The following ADAM19 variants were observed in gnomAD, a reference collection of about 807,000 sequenced individuals.
The protein encoded by ADAM19 is ADAM metallopeptidase domain 19.
A neutral mutation model predicts 114.7 loss-of-function variants in ADAM19; 65 were observed. That is an observed-to-expected ratio of 0.57 (90% CI 0.46 to 0.70). ADAM19 has a LOEUF of 0.70. ADAM19 is among the 30% of genes least tolerant of loss of function. ADAM19 has a pLI of 0.00. For missense variants in ADAM19, 1,063 were observed against 1,204.7 expected, an observed-to-expected ratio of 0.88 and a Z score of 1.74; for synonymous variants, 466 against 460.5, an observed-to-expected ratio of 1.01 and a Z score of -0.15.
At chr5:157,574,664 C>T (rs11465234) in intron 1 of ADAM19, among the ~76,000 whole-genome samples, 1,525 of 152,294 alleles carry the variant, frequency 0.01, 27 homozygotes, top group African/African-American at 0.035. Context: ...AAGCCTTCTC[C>T]GGTCATAATG....
intron 3 of ADAM19, among the ~76,000 whole-genome samples, chr5:157,545,881 G>T (rs1468601512): frequency 1.3e-5 from 2 of 152,206 alleles, no homozygotes; most frequent in African/African-American, 4.8e-5. Flanking sequence ...AGGCCACCTG[G>T]CATCAGGAGG....
intron 3 of ADAM19, among the ~76,000 whole-genome samples, chr5:157,561,212 C>T (rs374216001): frequency 9.1e-4 from 139 of 152,314 alleles, no homozygotes; most frequent in Middle Eastern, 3.4e-3. Flanking sequence ...TGCCGGCTGC[C>T]GCGCTATTGT....
intron 4 of ADAM19, among the ~76,000 whole-genome samples, chr5:157,535,149 G>A (rs1415231874): frequency 6.6e-6 from 1 of 152,222 alleles, no homozygotes; most frequent in Admixed American, 6.5e-5. Flanking sequence ...ATTTGCAAAT[G>A]AGAAAACTCA....
At chr5:157,505,944 G>A (rs1755729015) in intron 10 of ADAM19, 136 bp from the exon 11 acceptor site, 1 of 973,924 alleles carries the variant, frequency 1.0e-6, no homozygotes, top group African/African-American at 1.7e-5. Flanking sequence ...CTCTCCATAT[G>A]TGCCTCTGAC....
chr5:157,575,252 G>A (rs1757940055), intron 1 of ADAM19, among the ~76,000 whole-genome samples: 2 of 152,198 alleles, frequency 1.3e-5, no homozygotes. Context: ...AGAGAGAGAG[G>A]CGGAGCGGAC....
At chr5:157,482,372 T>G (rs1754783440) in intron 21 of ADAM19, among the ~76,000 whole-genome samples, 1 of 152,238 alleles carries the variant, frequency 6.6e-6, no homozygotes. Context: ...ACTCTGATGA[T>G]AGTTTCTTTT....
chr5:157,555,855 C>A (rs1453519410), intron 3 of ADAM19, among the ~76,000 whole-genome samples: 1 of 152,206 alleles, frequency 6.6e-6, no homozygotes, highest in African/African-American at 2.4e-5. Flanking sequence ...CCTCTTCCAG[C>A]TTCTCCTTGG....
rs531399015 is a variant in ADAM19 at position 157,492,900 on chromosome 5, C to T, written c.1908+73G>A. On this transcript the variant is annotated intron_variant, in intron 16 of 22. Coordinates refer to ENST00000257527, the MANE Select transcript of ADAM19 (RefSeq NM_033274.5). ...GAGGTGGCATCTGAGCCCAGGCATCCTTCCCTCAGACCTCACTTCTCAATC... is the reference window on the plus strand; with the variant it reads ...GAGGTGGCATCTGAGCCCAGGCATCTTTCCCTCAGACCTCACTTCTCAATC... The T allele has an allele frequency of 6.6e-4, 1,015 of 1,539,146 alleles. 1 individual carries two copies. Among genetic ancestry groups the T allele is most frequent in the Non-Finnish European group, 8.1e-4 (910 of 1,117,048 alleles).
intron 3 of ADAM19, among the ~76,000 whole-genome samples, chr5:157,556,504 C>A (rs1388701200): frequency 6.6e-6 from 1 of 152,168 alleles, no homozygotes; most frequent in Non-Finnish European, 1.5e-5. Flanking sequence ...CAGGCGTGAG[C>A]CACCATGCCC....
chr5:157,525,861 C>T (rs1756437898), intron 5 of ADAM19, among the ~76,000 whole-genome samples: 1 of 152,122 alleles, frequency 6.6e-6, no homozygotes, highest in South Asian at 2.1e-4. Flanking sequence ...GAATCTGAGT[C>T]CAGGGACCAC....
Position 157,507,038 on chromosome 5 carries a change from A to C in ADAM19, c.990+18T>G, listed in dbSNP as rs1440303982. On this transcript the variant is annotated intron_variant, in intron 10 of 22. Transcript: ENST00000257527. ...GCTCAGCGCCTTCTGCAGCGCACAC[A>C]CACGGGCTGAGACTCACCATGTTGA... is the stretch of plus-strand genomic sequence containing the variant. 3.1e-6 allele frequency: 5 copies of C among 1,611,768 alleles called. No individual in the cohort carries two copies. In the South Asian group the frequency reaches 3.3e-5, roughly 11 times the overall value.
chr5:157,485,082 G>A (rs1280859925), intron 21 of ADAM19, among the ~76,000 whole-genome samples: 1 of 152,176 alleles, frequency 6.6e-6, no homozygotes, highest in Middle Eastern at 3.2e-3. Flanking sequence ...CAATCAGATT[G>A]CACAAGCCTG....
chr5:157,545,682 A>T (rs1047086856), intron 3 of ADAM19, among the ~76,000 whole-genome samples: 9 of 152,218 alleles, frequency 5.9e-5, no homozygotes, highest in Admixed American at 5.2e-4. Context: ...AAGCAAAAGC[A>T]ACTTGCCCAG....
chr5:157,566,794 G>A (rs566147086), intron 2 of ADAM19: 1 of 152,178 alleles, frequency 6.6e-6, no homozygotes, highest in Admixed American at 6.6e-5. Context: ...CAAGCATACT[G>A]AGTAGCTGGG....
At chr5:157,561,958 G>A (rs901830619) in intron 3 of ADAM19, among the ~76,000 whole-genome samples, 2 of 152,050 alleles carry the variant, frequency 1.3e-5, no homozygotes, top group Admixed American at 1.3e-4. Context: ...CGTTGATCGA[G>A]GAGGTTAAGA....
intron 12 of ADAM19, among the ~76,000 whole-genome samples, chr5:157,499,949 T>C (rs573935454): frequency 3.0e-4 from 44 of 148,914 alleles, no homozygotes; most frequent in Non-Finnish European, 5.8e-4. Flanking sequence ...TGGCTAATTT[T>C]TGTATTTTTA....
chr5:157,543,472 C>A (rs1018459893), intron 3 of ADAM19, among the ~76,000 whole-genome samples: 2 of 152,188 alleles, frequency 1.3e-5, no homozygotes, highest in African/African-American at 4.8e-5. Context: ...ATGACAAAAT[C>A]TACTTCACAG....
At chr5:157,521,158 G>A (rs1756275190) in intron 5 of ADAM19, among the ~76,000 whole-genome samples, 1 of 152,210 alleles carries the variant, frequency 6.6e-6, no homozygotes, top group African/African-American at 2.4e-5. Flanking sequence ...TCTAGCCTCA[G>A]CAAGAAAGAG....
intron 4 of ADAM19, 111 bp from the exon 5 acceptor site, chr5:157,530,994 C>T: frequency 1.3e-6 from 1 of 799,436 alleles, no homozygotes; most frequent in Non-Finnish European, 2.2e-6. Flanking sequence ...CCTACCCAAC[C>T]TTATAGCACC....
Sources: allele counts gnomAD v4.1 joint callset (sites outside exome capture counted in the v4.1 genomes callset), GRCh38; gene constraint gnomAD v4.1.1; transcripts MANE v1.5; gene names NCBI Gene and HGNC (gene_info 2026-07-23, HGNC 2026-07-21).